The following IRF2BP1 variants were observed in gnomAD, a reference collection of about 807,000 sequenced individuals.
IRF2BP1 encodes interferon regulatory factor 2 binding protein 1.
In IRF2BP1, 9 loss-of-function variants were observed where a neutral mutation model predicts 38.6. The observed-to-expected ratio is 0.23, with a 90% confidence interval of 0.14 to 0.41. IRF2BP1 has a LOEUF of 0.41. Ranked by LOEUF, IRF2BP1 falls within the 10% of genes least tolerant of loss-of-function variation. The pLI is 1.00. For missense variants in IRF2BP1, 631 were observed against 829.6 expected, an observed-to-expected ratio of 0.76 and a Z score of 2.94; for synonymous variants, 416 against 383.4, an observed-to-expected ratio of 1.08 and a Z score of -0.99.
Position 45,884,990 on chromosome 19 carries a change from G to C in IRF2BP1, c.785C>G (p.Thr262Ser). ...LVGRVFAFDA[T>S]ARPPGYEFEL... Reference sequence around the variant, plus strand: ...GAACTCGTATCCTGGAGGACGGGCAGTAGCATCGAAGGCGAACACTCGCCC... The same window carrying C: ...GAACTCGTATCCTGGAGGACGGGCACTAGCATCGAAGGCGAACACTCGCCC... Residue 262 changes from threonine (T) to serine (S), a missense_variant, in exon 1 of 1, where the codon ACT becomes AGT. This residue lies in a region of IRF2BP1 where 133 missense variants were observed against 232.2 expected (regional missense o/e 0.57). Coordinates refer to ENST00000302165, the MANE Select transcript of IRF2BP1 (RefSeq NM_015649.3). 6.2e-7 allele frequency: 1 copy of C among 1,613,502 alleles called. No homozygotes were observed. The highest frequency in any genetic ancestry group is 8.5e-7 in the Non-Finnish European group (1 of 1,180,050).
At position 45,885,313 on chromosome 19, in the gene IRF2BP1, C is replaced by T. The variant is rs541129993; in HGVS notation, c.462G>A (p.Leu154=). The change falls in exon 1 of 1, where the codon TTG becomes TTA. Residue 154 remains leucine (L), a synonymous_variant. Transcript: ENST00000302165. ...EAVAEGARRA[L]LGSMPGLMPP... ...GCATCAAGCCAGGCATGGAGCCAAG[C>T]AAGGCCCTTCGCGCCCCCTCAGCCA... 3 of 1,605,274 alleles carry T rather than the reference C, an allele frequency of 1.9e-6. No individual in the cohort carries two copies. The highest frequency in any genetic ancestry group is 1.7e-6 in the Non-Finnish European group (2 of 1,179,838).
Position 45,884,080 on chromosome 19 carries a change from C to A in IRF2BP1, c.1695G>T (p.Gln565His). 6.2e-7 allele frequency: 1 copy of A among 1,609,490 alleles called. No individual in the cohort carries two copies. Among genetic ancestry groups the A allele is most frequent in the South Asian group, 1.1e-5 (1 of 90,800 alleles). ...VGSSVPWAFM[Q>H]GEIATILAGD... ...CAGCAAGGATGGTGGCGATCTCGCCCTGCATGAAGGCCCAGGGCACGGAGG... is the reference window on the plus strand; with the variant it reads ...CAGCAAGGATGGTGGCGATCTCGCCATGCATGAAGGCCCAGGGCACGGAGG... The change falls in exon 1 of 1, where the codon CAG becomes CAT. Residue 565 changes from glutamine (Q) to histidine (H), a missense_variant. Physicochemically the swap from Gln to His is conservative, Grantham distance 24. This residue lies in a region of IRF2BP1 where 58 missense variants were observed against 108.4 expected (regional missense o/e 0.54). Transcript: ENST00000302165.
In IRF2BP1 at chr19:45,884,827, G is replaced by C. The variant is rs1158379562; in HGVS notation, c.948C>G (p.Leu316=). The part of the protein sequence containing the change: ...KALASSGFKY[L]EYERRHGSGE... ...CTGATCCATGCCGGCGTTCATATTC[G>C]AGGTACTTGAAGCCCGAAGAAGCCA... Residue 316 remains leucine (L), a synonymous_variant, in exon 1 of 1, where the codon CTC becomes CTG. Transcript: ENST00000302165. 6 of 1,612,922 alleles carry C rather than the reference G, an allele frequency of 3.7e-6. No individual in the cohort carries two copies. Among genetic ancestry groups the C allele is most frequent in the South Asian group, 3.3e-5 (3 of 91,086 alleles).
chr19:45,885,929 C>G lies in IRF2BP1; in HGVS notation c.-155G>C. ...GCCGGATCCAGGCCCGGCCCCCCTT[C>G]CCCGCCCCCTGGGCCCTAAGCCTTT... is the stretch of plus-strand genomic sequence containing the variant. On this transcript the variant is annotated 5_prime_UTR_variant, in exon 1 of 1. Coordinates refer to ENST00000302165, the MANE Select transcript of IRF2BP1 (RefSeq NM_015649.3). 1 of 860,308 alleles carries G rather than the reference C, an allele frequency of 1.2e-6. No homozygotes were observed. Among genetic ancestry groups the G allele is most frequent in the South Asian group, 2.2e-5 (1 of 44,654 alleles). The allele number at this position is 860,308 out of a possible 1,614,324, so 53.3% of individuals were successfully genotyped here.
At position 45,885,109 on chromosome 19, in the gene IRF2BP1, C is replaced by G; in HGVS notation, c.666G>C (p.Trp222Cys). The change falls in exon 1 of 1, where the codon TGG becomes TGC. Residue 222 changes from tryptophan to cysteine, a missense_variant. Physicochemically the swap from Trp to Cys is radical, Grantham distance 215. This residue lies in a region of IRF2BP1 where 133 missense variants were observed against 232.2 expected (regional missense o/e 0.57). Transcript: ENST00000302165. ...CCCGCACTGCTTTGGGGCGCCCGTG[C>G]CATTCCTCTGCCCGGCCTCGCATGG... The part of the protein sequence containing the change: ...NEAMRGRAEE[W>C]HGRPKAVREQ... 6.2e-7 allele frequency: 1 copy of G among 1,611,792 alleles called. No homozygotes were observed. The highest frequency in any genetic ancestry group is 8.5e-7 in the Non-Finnish European group (1 of 1,180,024).
rs1470207243 is a variant in IRF2BP1, at chr19:45,884,703, C to T, written c.1072G>A (p.Ala358Thr). 2 of 1,607,944 alleles carry T rather than the reference C, an allele frequency of 1.2e-6. No homozygotes were observed. The highest frequency in any genetic ancestry group is 1.7e-5 in the Admixed American group (1 of 59,774). Residue 358 changes from alanine (A) to threonine (T), a missense_variant, in exon 1 of 1, where the codon GCC becomes ACC. Ala to Thr is a moderately conservative substitution (Grantham distance 58). This residue lies in a region of IRF2BP1 where 201 missense variants were observed against 215.3 expected (regional missense o/e 0.93). Coordinates refer to ENST00000302165, the MANE Select transcript of IRF2BP1 (RefSeq NM_015649.3). Reference sequence around the variant, plus strand: ...GGTGGGCCACAGAGAGCCGCAGGGGCCGGCTCTGGGTACTGCTGGGGCAGG... The same window carrying T: ...GGTGGGCCACAGAGAGCCGCAGGGGTCGGCTCTGGGTACTGCTGGGGCAGG... ...EALPQQYPEP[A>T]PAALCGPPPR...
rs777641440 is a variant in IRF2BP1 at position 45,885,052 on chromosome 19, C to T, written c.723G>A (p.Pro241=). The change falls in exon 1 of 1, where the codon CCG becomes CCA. Residue 241 remains proline, a synonymous_variant. Transcript: ENST00000302165. ...GATCCTTCTTGAAGCGCACATTGAA[C>T]GGGGCGCAGGCGGACAGCGCCAGTA... ...EQLLALSACA[P]FNVRFKKDHG... 11 of 1,613,032 alleles carry T rather than the reference C, an allele frequency of 6.8e-6. No individual in the cohort carries two copies. Among genetic ancestry groups the T allele is most frequent in the Non-Finnish European group, 8.5e-7 (1 of 1,180,026 alleles).
rs893696036 is a variant in IRF2BP1, at chr19:45,885,882, C to T, written c.-108G>A. Reference sequence around the variant, plus strand: ...CCCGGGGACAGCGCGAGCCACGGTCCGGCCTCCGGCTCGGCCTCCCCGCCG... The same window carrying T: ...CCCGGGGACAGCGCGAGCCACGGTCTGGCCTCCGGCTCGGCCTCCCCGCCG... On this transcript the variant is annotated 5_prime_UTR_variant, in exon 1 of 1. Coordinates refer to ENST00000302165, the MANE Select transcript of IRF2BP1 (RefSeq NM_015649.3). 1.6e-6 allele frequency: 2 copies of T among 1,286,590 alleles called. No individual in the cohort carries two copies. Among genetic ancestry groups the T allele is most frequent in the Non-Finnish European group, 2.0e-6 (2 of 995,936 alleles). 79.7% of individuals were successfully genotyped at this position (1,286,590 alleles called of 1,614,324 possible).
In IRF2BP1 at chr19:45,884,522, C is replaced by A; in HGVS notation, c.1253G>T (p.Gly418Val). ...PGGPYSAETP[G>V]VPSPIAALKN... ...CAGGGCGGCAATGGGCGAGGGCACA[C>A]CAGGGGTCTCAGCGGAGTACGGGCC... The change falls in exon 1 of 1, where the codon GGT (glycine) becomes GTT (valine). Residue 418 changes from glycine (G) to valine (V), a missense_variant. Gly to Val is a moderately radical substitution (Grantham distance 109). Around this residue, in one of 5 missense-constraint regions of IRF2BP1, gnomAD observed 201 missense variants for 215.3 expected, o/e 0.93. Coordinates refer to ENST00000302165, the MANE Select transcript of IRF2BP1 (RefSeq NM_015649.3). 6.2e-7 allele frequency: 1 copy of A among 1,600,242 alleles called. No homozygotes were observed. The highest frequency in any genetic ancestry group is 8.5e-7 in the Non-Finnish European group (1 of 1,179,532).
At position 45,883,985 on chromosome 19, in the gene IRF2BP1, G is replaced by A. The variant is rs376292712; in HGVS notation, c.*35C>T. On this transcript the variant is annotated 3_prime_UTR_variant, in exon 1 of 1. Transcript: ENST00000302165. Reference sequence around the variant, plus strand: ...ATCCGCGGCAGCGGTGGGTGGCAAAGGGGCAGAGGGCAGTAGCCTGGAGGC... The same window carrying A: ...ATCCGCGGCAGCGGTGGGTGGCAAAAGGGCAGAGGGCAGTAGCCTGGAGGC... The A allele has an allele frequency of 6.6e-7, 1 of 1,508,734 alleles. No individual in the cohort carries two copies. The highest frequency in any genetic ancestry group is 8.9e-7 in the Non-Finnish European group (1 of 1,125,050). The allele number at this position is 1,508,734 out of a possible 1,614,324, so 93.5% of individuals were successfully genotyped here.
Position 45,885,614 on chromosome 19 carries a change from T to C in IRF2BP1, c.161A>G (p.Gln54Arg). ...RIELLIDAAR[Q>R]LKRSHVLPEG... ...GGGGAGCACGTGGCTGCGCTTGAGCTGGCGGGCGGCATCGATGAGCAGTTC... is the reference window on the plus strand; with the variant it reads ...GGGGAGCACGTGGCTGCGCTTGAGCCGGCGGGCGGCATCGATGAGCAGTTC... The change falls in exon 1 of 1, where the codon CAG (glutamine) becomes CGG (arginine). Residue 54 changes from glutamine to arginine, a missense_variant. Physicochemically the swap from Gln to Arg is conservative, Grantham distance 43. Coordinates refer to ENST00000302165, the MANE Select transcript of IRF2BP1 (RefSeq NM_015649.3). The C allele has an allele frequency of 6.5e-7, 1 of 1,535,128 alleles. No homozygotes were observed. The highest frequency in any genetic ancestry group is 8.7e-7 in the Non-Finnish European group (1 of 1,152,856).
chr19:45,884,845 A>C lies in IRF2BP1; in HGVS notation c.930T>G (p.Ser310=). 6.2e-7 allele frequency: 1 copy of C among 1,612,998 alleles called. No individual in the cohort carries two copies. The highest frequency in any genetic ancestry group is 8.5e-7 in the Non-Finnish European group (1 of 1,180,034). ...CATATTCGAGGTACTTGAAGCCCGA[A>C]GAAGCCAGTGCCTTGCCCGGCTCCC... ...ALREPGKALA[S]SGFKYLEYER... Residue 310 remains serine, a synonymous_variant, in exon 1 of 1, where the codon TCT becomes TCG. Transcript: ENST00000302165.
At position 45,884,413 on chromosome 19, in the gene IRF2BP1, A is replaced by T; in HGVS notation, c.1362T>A (p.Pro454=). 1 of 1,600,392 alleles carries T rather than the reference A, an allele frequency of 6.2e-7. No homozygotes were observed. Among genetic ancestry groups the T allele is most frequent in the Non-Finnish European group, 8.5e-7 (1 of 1,178,120 alleles). The part of the protein sequence containing the change: ...GGPVRAGGAS[P]AASSTAQPPT... The stretch of plus-strand genomic sequence containing the variant: ...GCGGCTGGGCCGTGGAGGAGGCTGC[A>T]GGGCTGGCGCCCCCTGCACGCACAG... Residue 454 remains proline, a synonymous_variant, in exon 1 of 1, where the codon CCT becomes CCA. Coordinates refer to ENST00000302165, the MANE Select transcript of IRF2BP1 (RefSeq NM_015649.3).
chr19:45,886,093 CGCCGCCGCCGCTGCAACG>C lies in IRF2BP1; in HGVS notation c.-337_-320del, dbSNP rs1365253213. 1.4e-5 allele frequency: 3 copies of C among 221,756 alleles called. No homozygotes were observed. Among genetic ancestry groups the C allele is most frequent in the Middle Eastern group, 2.8e-3 (2 of 716 alleles). 13.7% of individuals were successfully genotyped at this position (221,756 alleles called of 1,614,324 possible). A position where few individuals can be genotyped will look rare whatever the true frequency, so the allele number is the denominator to read the frequency against. The stretch of plus-strand genomic sequence containing the variant: ...CGCCGCCTCGGGCTCCCGCCGCTCT[CGCCGCCGCCGCTGCAACG>C]GCCGCCGCCGCCTCCACCTCCTTCT... On this transcript the variant is annotated 5_prime_UTR_variant, in exon 1 of 1. Transcript: ENST00000302165.
chr19:45,885,908 GA>G lies in IRF2BP1; in HGVS notation c.-135del. On this transcript the variant is annotated 5_prime_UTR_variant, in exon 1 of 1. Transcript: ENST00000302165. ...GGCCTCCGGCTCGGCCTCCCCGCCG[GA>G]TCCAGGCCCGGCCCCCCTTCCCCGC... is the stretch of plus-strand genomic sequence containing the variant. 9.4e-7 allele frequency: 1 copy of G among 1,062,428 alleles called. No homozygotes were observed. The highest frequency in any genetic ancestry group is 3.2e-4 in the Middle Eastern group (1 of 3,152). The allele number at this position is 1,062,428 out of a possible 1,614,324, so 65.8% of individuals were successfully genotyped here. A position where few individuals can be genotyped will look rare whatever the true frequency, so the allele number is the denominator to read the frequency against.
At position 45,886,043 on chromosome 19, in the gene IRF2BP1, G is replaced by A; in HGVS notation, c.-269C>T. The A allele has an allele frequency of 6.2e-6, 2 of 324,750 alleles. No homozygotes were observed. The highest frequency in any genetic ancestry group is 1.1e-5 in the Non-Finnish European group (2 of 179,598). 20.1% of individuals were successfully genotyped at this position (324,750 alleles called of 1,614,324 possible). On this transcript the variant is annotated 5_prime_UTR_variant, in exon 1 of 1. Transcript: ENST00000302165. Reference sequence around the variant, plus strand: ...GGCTCCGAGCCGAGGCGCACAGCTCGGGCCCCACGATGGGCCGCGAGCGCC... The same window carrying A: ...GGCTCCGAGCCGAGGCGCACAGCTCAGGCCCCACGATGGGCCGCGAGCGCC...
At position 45,884,399 on chromosome 19, in the gene IRF2BP1, G is replaced by A. The variant is rs779357576; in HGVS notation, c.1376C>T (p.Thr459Met). The change falls in exon 1 of 1, where the codon ACG (threonine) becomes ATG (methionine). Residue 459 changes from threonine to methionine, a missense_variant. Physicochemically the swap from Thr to Met is moderately conservative, Grantham distance 81 (BLOSUM62 -1). Transcript: ENST00000302165. ...GCGATGCTGGGTTGGCGGCTGGGCC[G>A]TGGAGGAGGCTGCAGGGCTGGCGCC... ...AGGASPAASS[T>M]AQPPTQHRLV... 1.4e-5 allele frequency: 23 copies of A among 1,602,720 alleles called. No homozygotes were observed. The highest frequency in any genetic ancestry group is 1.7e-5 in the Non-Finnish European group (20 of 1,178,378).
chr19:45,885,402 AG>A lies in IRF2BP1; in HGVS notation c.372del (p.Ser125ArgfsTer37). On this transcript the variant is annotated frameshift_variant, in exon 1 of 1. Transcript: ENST00000302165. LOFTEE classifies it high-confidence loss of function. Reference sequence around the variant, plus strand: ...CCCAGAGTGTACTCCAGGGCGGGCGAGGGCAGGGGGAGGCGGCCTGATGATG... The same window carrying A: ...CCCAGAGTGTACTCCAGGGCGGGCGAGGCAGGGGGAGGCGGCCTGATGATG... ...RATSSGRLPL[P>X]SPALEYTLGS... is the part of the protein sequence containing the mutation. 6.3e-7 allele frequency: 1 copy of A among 1,597,734 alleles called. No homozygotes were observed. The highest frequency in any genetic ancestry group is 8.5e-7 in the Non-Finnish European group (1 of 1,172,680).
In IRF2BP1 at chr19:45,883,752, C is replaced by T. The variant is rs1967018339; in HGVS notation, c.*268G>A. The T allele has an allele frequency of 7.9e-6, 3 of 381,482 alleles. 1 individual carries two copies. The highest frequency in any genetic ancestry group is 7.8e-5 in the East Asian group (2 of 25,620). 23.6% of individuals were successfully genotyped at this position (381,482 alleles called of 1,614,324 possible). ...CAAGGAGGAGGGGGGCACCTCTCCC[C>T]CAACTACAAGCAGCAGCAAAGCCAA... On this transcript the variant is annotated 3_prime_UTR_variant, in exon 1 of 1. Transcript: ENST00000302165.
Sources: gnomAD v4.1 joint callset for allele counts on GRCh38, gnomAD v4.1.1 for gene constraint, gnomAD v4.1.1 regional missense constraint, MANE v1.5 for transcripts, NCBI Gene and HGNC (gene_info 2026-07-23, HGNC 2026-07-21) for gene names.